RAD51B: variants seen among roughly 807,000 people sequenced by gnomAD.
RAD51B encodes DNA repair protein RAD51 homolog 2.
Under a neutral mutation model 42.2 loss-of-function variants are expected in RAD51B, and 38 were observed. The observed-to-expected ratio is 0.90, with a 90% CI of 0.70 to 1.18. The LOEUF is 1.18. Among genes scored for constraint, RAD51B ranks in the 50% most tolerant of loss-of-function variants. The probability of loss-of-function intolerance (pLI) is 0.00; values close to 1 mark genes in which losing one functional copy is unlikely to be tolerated. For missense variants in RAD51B, 373 were observed against 400.7 expected (o/e 0.93, Z 0.59); for synonymous variants, 154 against 145.2 (o/e 1.06, Z -0.43).
rs1219399061 is a variant in RAD51B, at chr14:68,102,286, A to G, written c.757-189598A>G. On this transcript the variant is annotated intron_variant, in intron 7 of 10. Coordinates refer to ENST00000471583, the MANE Select transcript of RAD51B (RefSeq NM_133510.4). ...GGCAAGTAACATTTGACTCCTTGCT[A>G]CTTAAGCAAATTTCTGTAGTCTGCT... Among the ~76,000 whole-genome samples, 3 of 152,218 alleles carry G rather than the reference A, an allele frequency of 2.0e-5. No homozygotes were observed. The East Asian group carries it at 5.8e-4, about 29-fold the overall frequency.
intron 7 of RAD51B, among the ~76,000 whole-genome samples, chr14:68,019,078 A>G (rs923770338): frequency 6.6e-6 from 1 of 152,148 alleles, no homozygotes; most frequent in African/African-American, 2.4e-5. Context: ...TGACTGCTTC[A>G]GGGAAAATTT....
chr14:67,925,166 T>C (rs1238402625), intron 7 of RAD51B, among the ~76,000 whole-genome samples: 1 of 152,236 alleles, frequency 6.6e-6, no homozygotes, highest in Non-Finnish European at 1.5e-5. Context: ...CAGCTATGCC[T>C]CTGTGGCTTT....
intron 7 of RAD51B, among the ~76,000 whole-genome samples, chr14:68,254,735 T>G (rs2080715335): frequency 6.6e-6 from 1 of 152,246 alleles, no homozygotes; most frequent in Non-Finnish European, 1.5e-5. Context: ...GTATATATTT[T>G]ATGCACTTAG....
rs942292127 is a variant in RAD51B at position 67,989,576 on chromosome 14, G to A, written c.756+102372G>A. Among the ~76,000 whole-genome samples, 4 of 144,498 alleles carry A rather than the reference G, an allele frequency of 2.8e-5. No individual in the cohort carries two copies. The East Asian group carries it at 8.0e-4, about 29-fold the overall frequency. 94.8% of individuals were successfully genotyped at this position (144,498 alleles called of 152,430 possible). On this transcript the variant is annotated intron_variant, in intron 7 of 10. Transcript: ENST00000471583. ...TCACTTGAACCTGGGAGGTGGTTGTGGTGACCCAAGATCATGCCATTGCAC... is the reference window on the plus strand; with the variant it reads ...TCACTTGAACCTGGGAGGTGGTTGTAGTGACCCAAGATCATGCCATTGCAC...
At chr14:68,289,254 T>C (rs1223742355) in intron 7 of RAD51B, among the ~76,000 whole-genome samples, 3 of 152,196 alleles carry the variant, frequency 2.0e-5, no homozygotes. Context: ...TTACTATGTG[T>C]CAGATACTTT....
intron 7 of RAD51B, among the ~76,000 whole-genome samples, chr14:68,173,325 A>T (rs1177009220): frequency 6.6e-6 from 1 of 152,222 alleles, no homozygotes; most frequent in Non-Finnish European, 1.5e-5. Flanking sequence ...ATAGAAAAAT[A>T]TTCTTTATAT....
At chr14:67,911,983 A>G (rs572782513) in intron 7 of RAD51B, among the ~76,000 whole-genome samples, 1 of 152,244 alleles carries the variant, frequency 6.6e-6, no homozygotes, top group Non-Finnish European at 1.5e-5. Flanking sequence ...ATAGCTGTGT[A>G]TATGATAGCA....
intron 8 of RAD51B, among the ~76,000 whole-genome samples, chr14:68,377,523 T>C (rs1387471250): frequency 6.6e-6 from 1 of 152,216 alleles, no homozygotes. Context: ...GCCTTGGAAA[T>C]ACCTTTCTTT....
chr14:67,986,137 A>G (rs930981077), intron 7 of RAD51B, among the ~76,000 whole-genome samples: 2 of 152,178 alleles, frequency 1.3e-5, no homozygotes, highest in Non-Finnish European at 2.9e-5. Context: ...AATAGATTGT[A>G]AATTCCTTAT....
downstream of RAD51B, among the ~76,000 whole-genome samples, chr14:68,599,079 C>T (rs1891116387): frequency 6.6e-6 from 1 of 152,118 alleles, no homozygotes; most frequent in South Asian, 2.1e-4. Flanking sequence ...CTGAGCTGGC[C>T]GCTCCCTTTG....
At chr14:68,335,232 G>C (rs2082427594) in intron 8 of RAD51B, among the ~76,000 whole-genome samples, 1 of 147,650 alleles carries the variant, frequency 6.8e-6, no homozygotes, top group South Asian at 2.2e-4. Context: ...AGGAGGTGGA[G>C]GTTGTAGTGA....
chr14:68,529,644 G>A (rs1439071055), intron 10 of RAD51B, among the ~76,000 whole-genome samples: 1 of 152,184 alleles, frequency 6.6e-6, no homozygotes, highest in Non-Finnish European at 1.5e-5. Flanking sequence ...ACTTGATTCT[G>A]AACCAGAGAC....
At chr14:68,259,213 G>A (rs191163166) in intron 7 of RAD51B, among the ~76,000 whole-genome samples, 23 of 152,040 alleles carry the variant, frequency 1.5e-4, no homozygotes, top group Non-Finnish European at 1.0e-4. Context: ...TGCAAAGCAA[G>A]GGAGGATGAT....
rs575623544 is a variant in RAD51B, at chr14:67,951,924, C to A, written c.756+64720C>A. On this transcript the variant is annotated intron_variant, in intron 7 of 10. Coordinates refer to ENST00000471583, the MANE Select transcript of RAD51B (RefSeq NM_133510.4). ...ACCTCCTGTTATTTTGCGTAAATAA[C>A]CCCATGTGACTCACAAATGTTGAAA... Among the ~76,000 whole-genome samples the A allele has an allele frequency of 2.6e-5, 4 of 152,162 alleles. No homozygotes were observed. The South Asian group carries it at 8.3e-4, about 32-fold the overall frequency.
Position 67,885,606 on chromosome 14 carries a change from A to G in RAD51B, c.453-263A>G, listed in dbSNP as rs4902530. The stretch of plus-strand genomic sequence containing the variant: ...ACAAAAAACATATTTAATCCCAGAA[A>G]GATAAATCTCAAGAGACATTGTTGT... On this transcript the variant is annotated intron_variant, in intron 5 of 10. Coordinates refer to ENST00000471583, the MANE Select transcript of RAD51B (RefSeq NM_133510.4). 9,622 of 235,738 alleles carry G rather than the reference A, an allele frequency of 0.041. 533 individuals are homozygous for G. Among genetic ancestry groups the G allele is most frequent in the African/African-American group, 0.15 (6,543 of 44,666 alleles). The allele number at this position is 235,738 out of a possible 1,614,324, so 14.6% of individuals were successfully genotyped here. A position where few individuals can be genotyped will look rare whatever the true frequency, so the allele number is the denominator to read the frequency against.
chr14:68,161,271 C>T (rs750016737), intron 7 of RAD51B, among the ~76,000 whole-genome samples: 3 of 152,182 alleles, frequency 2.0e-5, no homozygotes, highest in East Asian at 1.9e-4. Context: ...CTTTCTCTCT[C>T]GTGTTTTCTA....
rs148069807 is a variant in RAD51B at position 68,398,618 on chromosome 14, G to A, written c.854-12806G>A. On this transcript the variant is annotated intron_variant, in intron 8 of 10. Coordinates refer to ENST00000471583, the MANE Select transcript of RAD51B (RefSeq NM_133510.4). ...ATTTTGGGTGTCTCCTCAGACAACA[G>A]CTCCAAGCAGATGAATTATGGCAGT... Among the ~76,000 whole-genome samples the A allele has an allele frequency of 3.6e-3, 552 of 152,152 alleles. 1 individual carries two copies. Among genetic ancestry groups the A allele is most frequent in the Non-Finnish European group, 4.7e-3 (317 of 68,030 alleles).
intron 8 of RAD51B, among the ~76,000 whole-genome samples, chr14:68,349,585 C>T (rs772862387): frequency 2.7e-4 from 41 of 152,206 alleles, no homozygotes; most frequent in Non-Finnish European, 4.6e-4. Flanking sequence ...AGGCTGGTCT[C>T]GAACTCCAGA....
chr14:68,377,674 T>C (rs944901855), intron 8 of RAD51B, among the ~76,000 whole-genome samples: 2 of 152,244 alleles, frequency 1.3e-5, no homozygotes, highest in African/African-American at 4.8e-5. Flanking sequence ...TAGTGAACTC[T>C]GCCACAAACA....
Sources: gnomAD v4.1 joint callset for allele counts (sites outside exome capture counted in the v4.1 genomes callset) on GRCh38, gnomAD v4.1.1 for gene constraint, MANE v1.5 for transcripts, NCBI Gene and HGNC (gene_info 2026-07-23, HGNC 2026-07-21) for gene names.